Variants in SLC10A7 observed in about 807,000 individuals in gnomAD.
SLC10A7 encodes solute carrier family 10 member 7.
In SLC10A7, 29 loss-of-function variants were observed where a neutral mutation model predicts 43.2. The observed-to-expected ratio is 0.67, with a 90% CI of 0.50 to 0.92. The LOEUF (loss-of-function observed/expected upper bound fraction) is 0.92. Ranked by LOEUF, SLC10A7 falls within the 40% of genes least tolerant of loss-of-function variation. SLC10A7 has a pLI of 0.00. For synonymous variants in SLC10A7, 152 were observed against 144.8 expected (o/e 1.05, Z -0.35); for missense variants, 295 against 403.2 (o/e 0.73, Z 2.30).
chr4:146,348,126 T>G (rs908382090), intron 5 of SLC10A7, among the ~76,000 whole-genome samples: 1 of 152,130 alleles, frequency 6.6e-6, no homozygotes, highest in African/African-American at 2.4e-5. Context: ...TGAACCAAAT[T>G]CAATGGATCC....
chr4:146,499,431 G>A (rs1214201767), intron 4 of SLC10A7, among the ~76,000 whole-genome samples: 4 of 152,136 alleles, frequency 2.6e-5, no homozygotes, highest in African/African-American at 7.2e-5. Flanking sequence ...CCCATCCTTA[G>A]ATTACATTCT....
intron 6 of SLC10A7, among the ~76,000 whole-genome samples, chr4:146,313,326 A>G (rs1393613472): frequency 6.6e-6 from 1 of 152,196 alleles, no homozygotes; most frequent in East Asian, 1.9e-4. Context: ...CCTTCTTGGG[A>G]CAGTAGTCCT....
chr4:146,285,803 G>A (rs1321365709), intron 9 of SLC10A7, among the ~76,000 whole-genome samples: 1 of 152,166 alleles, frequency 6.6e-6, no homozygotes, highest in Non-Finnish European at 1.5e-5. Context: ...ACTGTGTTTG[G>A]AGTGGTGAGA....
chr4:146,499,717 A>T (rs926955460), intron 4 of SLC10A7, among the ~76,000 whole-genome samples: 1 of 152,222 alleles, frequency 6.6e-6, no homozygotes, highest in African/African-American at 2.4e-5. Flanking sequence ...GTCTACAAAA[A>T]TGCTTGACAA....
chr4:146,389,165 T>C (rs1439574071), intron 5 of SLC10A7, among the ~76,000 whole-genome samples: 2 of 151,884 alleles, frequency 1.3e-5, no homozygotes, highest in African/African-American at 4.8e-5. Context: ...CTCCAAAAGG[T>C]AGAAGAGTGG....
intron 4 of SLC10A7, among the ~76,000 whole-genome samples, chr4:146,486,550 T>C (rs982376270): frequency 4.6e-5 from 7 of 152,248 alleles, no homozygotes; most frequent in African/African-American, 1.4e-4. Context: ...TAAAAACATA[T>C]GTGCATGGTG....
chr4:146,304,701 TG>T (rs1731418047), intron 7 of SLC10A7, among the ~76,000 whole-genome samples: 14 of 152,116 alleles, frequency 9.2e-5, no homozygotes, highest in Admixed American at 5.9e-4. Context: ...AGGTGTGGTG[TG>T]GTGCTGAAAA....
chr4:146,465,095 A>G (rs1276247014), intron 4 of SLC10A7, among the ~76,000 whole-genome samples: 1 of 152,140 alleles, frequency 6.6e-6, no homozygotes, highest in African/African-American at 2.4e-5. Flanking sequence ...TTTGTTAAAA[A>G]GTTATTTATA....
At chr4:146,474,113 G>A (rs549717161) in intron 4 of SLC10A7, among the ~76,000 whole-genome samples, 1 of 126,916 alleles carries the variant, frequency 7.9e-6, no homozygotes, top group Non-Finnish European at 1.6e-5. Flanking sequence ...AACAACCTGA[G>A]GAAAAGTCAA....
intron 5 of SLC10A7, among the ~76,000 whole-genome samples, chr4:146,373,384 C>T (rs755304001): frequency 2.0e-5 from 3 of 149,198 alleles, no homozygotes; most frequent in Non-Finnish European, 3.0e-5. Flanking sequence ...TGAGGTGGGA[C>T]GATAGCTTGA....
At chr4:146,317,015 G>T (rs1432967025) in intron 6 of SLC10A7, among the ~76,000 whole-genome samples, 2 of 152,058 alleles carry the variant, frequency 1.3e-5, no homozygotes, top group African/African-American at 4.8e-5. Context: ...AAGGGTTAAA[G>T]AAAACCTACT....
chr4:146,372,930 A>T (rs1410588269), intron 5 of SLC10A7, among the ~76,000 whole-genome samples: 1 of 152,220 alleles, frequency 6.6e-6, no homozygotes, highest in Non-Finnish European at 1.5e-5. Context: ...TACTACTAGG[A>T]CAATTTAAAT....
At chr4:146,458,701 T>C (rs1732285450) in intron 4 of SLC10A7, among the ~76,000 whole-genome samples, 3 of 151,884 alleles carry the variant, frequency 2.0e-5, no homozygotes, top group African/African-American at 7.2e-5. Flanking sequence ...AACAACTTCC[T>C]CGTTTTTACT....
At chr4:146,328,055 G>A (rs1008749111) in intron 5 of SLC10A7, among the ~76,000 whole-genome samples, 5 of 152,052 alleles carry the variant, frequency 3.3e-5, no homozygotes, top group African/African-American at 4.8e-5. Context: ...TGCCACTGGC[G>A]CCTGTGCACA....
At chr4:146,462,951 A>C (rs1423818484) in intron 4 of SLC10A7, among the ~76,000 whole-genome samples, 1 of 152,188 alleles carries the variant, frequency 6.6e-6, no homozygotes, top group Admixed American at 6.5e-5. Flanking sequence ...ATTCTTCAAG[A>C]TCTTAAGCTG....
At chr4:146,501,517 A>G (rs1382004890) in intron 4 of SLC10A7, among the ~76,000 whole-genome samples, 2 of 152,160 alleles carry the variant, frequency 1.3e-5, no homozygotes, top group Non-Finnish European at 2.9e-5. Flanking sequence ...TGGTTCTCCA[A>G]TCTTTCTCTC....
At chr4:146,424,080 C>G (rs1398152046) in intron 5 of SLC10A7, among the ~76,000 whole-genome samples, 2 of 152,204 alleles carry the variant, frequency 1.3e-5, no homozygotes, top group Non-Finnish European at 2.9e-5. Flanking sequence ...GAGACAAGAT[C>G]TCCCTCTGTT....
intron 5 of SLC10A7, among the ~76,000 whole-genome samples, chr4:146,421,447 A>G (rs1001035531): frequency 1.3e-5 from 2 of 152,182 alleles, no homozygotes; most frequent in Non-Finnish European, 2.9e-5. Flanking sequence ...CAATAAACAC[A>G]TTGCTACCAG....
At position 146,411,967 on chromosome 4, in the gene SLC10A7, G is replaced by A. The variant is rs74550800; in HGVS notation, c.435+30816C>T. Reference sequence around the variant, plus strand: ...CCTCAACTATTTCACACAATAAAATGAATAATTTAACTACCTGAAACTTCA... The same window carrying A: ...CCTCAACTATTTCACACAATAAAATAAATAATTTAACTACCTGAAACTTCA... On this transcript the variant is annotated intron_variant, in intron 5 of 11. Coordinates refer to ENST00000335472, the MANE Select transcript of SLC10A7 (RefSeq NM_001029998.6). Among the ~76,000 whole-genome samples, 623 of 152,224 alleles carry A rather than the reference G, an allele frequency of 4.1e-3. 2 individuals are homozygous for A. The highest frequency in any genetic ancestry group is 0.014 in the African/African-American group (593 of 41,550).
Sources: allele counts gnomAD v4.1 joint callset (sites outside exome capture counted in the v4.1 genomes callset), GRCh38; gene constraint gnomAD v4.1.1; transcripts MANE v1.5; gene names NCBI Gene and HGNC (gene_info 2026-07-23, HGNC 2026-07-21).